TBCK: variants seen among roughly 807,000 people sequenced by gnomAD.
TBCK encodes the protein TBC1 domain containing kinase, also known as TBC domain-containing protein kinase-like protein.
A neutral mutation model predicts 113.4 loss-of-function variants in TBCK; 99 were observed. The observed-to-expected ratio is 0.87, with a 90% CI of 0.74 to 1.03. The LOEUF is 1.03. TBCK is among the 50% of genes least tolerant of loss of function. The pLI, the probability that TBCK is intolerant of heterozygous loss-of-function variation, is 0.00. For missense variants in TBCK, 1,045 were observed against 1,061.3 expected (o/e 0.98, Z 0.21); for synonymous variants, 369 against 370.8 (o/e 1.00, Z 0.05).
intron 19 of TBCK, 121 bp from the exon 20 acceptor site, chr4:106,212,956 G>C (rs188230872): frequency 7.7e-6 from 5 of 645,822 alleles, no homozygotes; most frequent in Admixed American, 3.0e-5. Flanking sequence ...AATACTTTAC[G>C]TGATAATTTT....
At chr4:106,236,722 A>G in intron 13 of TBCK, 37 bp downstream of exon 13, 1 of 1,247,156 alleles carries the variant, frequency 8.0e-7, no homozygotes, top group Non-Finnish European at 1.1e-6. Flanking sequence ...ATAAATAGAA[A>G]GAAAAATAAA....
At chr4:106,153,586 G>A (rs565469738) in intron 23 of TBCK, among the ~76,000 whole-genome samples, 2 of 152,138 alleles carry the variant, frequency 1.3e-5, no homozygotes, top group South Asian at 2.1e-4. Context: ...GGTCCATTTG[G>A]TCTATAATGC....
At chr4:106,300,149 T>C (rs1228714398) in intron 2 of TBCK, among the ~76,000 whole-genome samples, 21 of 152,222 alleles carry the variant, frequency 1.4e-4, no homozygotes, top group Admixed American at 1.4e-3. Context: ...CTGCTATCCA[T>C]GTAAGACGTG....
chr4:106,235,605 T>C (rs941239588), intron 14 of TBCK, among the ~76,000 whole-genome samples: 1 of 152,020 alleles, frequency 6.6e-6, no homozygotes. Context: ...TTCTACCTGA[T>C]TTTTAATCCT....
At chr4:106,172,712 T>C (rs1579121203) in intron 22 of TBCK, among the ~76,000 whole-genome samples, 1 of 152,168 alleles carries the variant, frequency 6.6e-6, no homozygotes, top group South Asian at 2.1e-4. Context: ...TTTAGAGTTA[T>C]CTGCTGTGGT....
intron 3 of TBCK, among the ~76,000 whole-genome samples, chr4:106,279,513 T>C (rs565941013): frequency 6.6e-6 from 1 of 152,164 alleles, no homozygotes. Context: ...TATTGTTGAC[T>C]ATAGTCACAA....
intron 23 of TBCK, among the ~76,000 whole-genome samples, chr4:106,154,580 G>A (rs1748905623): frequency 6.6e-6 from 1 of 152,108 alleles, no homozygotes; most frequent in Non-Finnish European, 1.5e-5. Context: ...CCTTGGTGTT[G>A]TCGTCGCAAT....
chr4:106,239,265 G>T (rs1759813276), intron 12 of TBCK, among the ~76,000 whole-genome samples: 2 of 152,052 alleles, frequency 1.3e-5, no homozygotes, highest in African/African-American at 4.8e-5. Flanking sequence ...AGGAGGAGTG[G>T]GAGAAGCTGA....
At chr4:106,154,999 T>G (rs1272065977) in intron 23 of TBCK, among the ~76,000 whole-genome samples, 1 of 152,102 alleles carries the variant, frequency 6.6e-6, no homozygotes, top group African/African-American at 2.4e-5. Flanking sequence ...TTAAAAGTCT[T>G]TTCTTTTTGT....
At chr4:106,251,184 A>G (rs532114602) in intron 6 of TBCK, 5 of 371,818 alleles carry the variant, frequency 1.3e-5, no homozygotes, top group African/African-American at 6.4e-5. Flanking sequence ...CTGAAGTTTC[A>G]CTTTTCTCAT....
chr4:106,165,508 G>C (rs958338543), intron 23 of TBCK, among the ~76,000 whole-genome samples: 1 of 151,774 alleles, frequency 6.6e-6, no homozygotes, highest in African/African-American at 2.4e-5. Flanking sequence ...TAAATGTAAA[G>C]TGATAGTAAT....
intron 23 of TBCK, among the ~76,000 whole-genome samples, chr4:106,168,048 T>A (rs1319251284): frequency 6.6e-6 from 1 of 151,706 alleles, no homozygotes; most frequent in Non-Finnish European, 1.5e-5. Context: ...ACAAAGACAT[T>A]ACAAGAAAAC....
intron 1 of TBCK, among the ~76,000 whole-genome samples, chr4:106,312,975 A>G (rs1768357065): frequency 6.6e-6 from 1 of 152,176 alleles, no homozygotes; most frequent in African/African-American, 2.4e-5. Flanking sequence ...AGTGGTAGAA[A>G]TATTCTCTAT....
intron 12 of TBCK, among the ~76,000 whole-genome samples, chr4:106,237,819 CATT>C (rs1759640171): frequency 6.6e-6 from 1 of 152,010 alleles, no homozygotes; most frequent in Non-Finnish European, 1.5e-5. Context: ...AGTTTTACTG[CATT>C]ATTAATACAC....
intron 25 of TBCK, among the ~76,000 whole-genome samples, chr4:106,055,565 C>T (rs1347249121): frequency 6.6e-6 from 1 of 151,474 alleles, no homozygotes; most frequent in Admixed American, 6.6e-5. Context: ...CACACACACA[C>T]ACACACACAC....
intron 23 of TBCK, among the ~76,000 whole-genome samples, chr4:106,119,872 A>T (rs995106550): frequency 1.3e-5 from 2 of 152,222 alleles, no homozygotes; most frequent in Non-Finnish European, 2.9e-5. Context: ...AAGAGAAAAC[A>T]TACAAATGGC....
Position 106,147,347 on chromosome 4 carries a change from T to C in TBCK, c.2235+23748A>G, listed in dbSNP as rs990570262. ...CTATGGCAGCTATGGCCTTACAAAATGTATTTCTTAAAAAGTAAGACTTGA... is the reference window on the plus strand; with the variant it reads ...CTATGGCAGCTATGGCCTTACAAAACGTATTTCTTAAAAAGTAAGACTTGA... On this transcript the variant is annotated intron_variant, in intron 23 of 25. Coordinates refer to ENST00000394708, the MANE Select transcript of TBCK (RefSeq NM_001163435.3). Among the ~76,000 whole-genome samples the C allele has an allele frequency of 1.8e-4, 28 of 152,176 alleles. 1 individual carries two copies. Among genetic ancestry groups the C allele is most frequent in the Non-Finnish European group, 8.8e-5 (6 of 68,032 alleles).
At position 106,271,752 on chromosome 4, in the gene TBCK, A is replaced by C. The variant is rs60763198; in HGVS notation, c.267-9540T>G. 6.4e-3 allele frequency among the ~76,000 whole-genome samples: 856 copies of C among 133,672 alleles called. 8 individuals carry two copies. Among genetic ancestry groups the C allele is most frequent in the African/African-American group, 0.021 (807 of 37,554 alleles). The allele number at this position is 133,672 out of a possible 152,430, so 87.7% of individuals were successfully genotyped here. ...GGGCGATAGAGCAAGACTTTGTCCC[A>C]AAAAAAAAAAAAAACAAAACAAAAA... On this transcript the variant is annotated intron_variant, in intron 3 of 25. Transcript: ENST00000394708.
At chr4:106,066,084 TG>T (rs1736607843) in intron 25 of TBCK, among the ~76,000 whole-genome samples, 1 of 152,044 alleles carries the variant, frequency 6.6e-6, no homozygotes, top group Non-Finnish European at 1.5e-5. Context: ...CATATTAAAA[TG>T]GTATCACATG....
Sources: allele counts gnomAD v4.1 joint callset (sites outside exome capture counted in the v4.1 genomes callset), GRCh38; gene constraint gnomAD v4.1.1; transcripts MANE v1.5; gene names NCBI Gene and HGNC (gene_info 2026-07-23, HGNC 2026-07-21).